CLSTN2: variants seen among roughly 807,000 people sequenced by gnomAD.
CLSTN2 encodes the protein calsyntenin-2.
A neutral mutation model predicts 101.2 loss-of-function variants in CLSTN2; 48 were observed. The ratio of observed to expected loss-of-function variants is 0.47; its 90% CI spans 0.38 to 0.60. The LOEUF (loss-of-function observed/expected upper bound fraction) is 0.60. Ranked by LOEUF, CLSTN2 falls within the 20% of genes least tolerant of loss-of-function variation. The pLI, the probability that CLSTN2 is intolerant of heterozygous loss-of-function variation, is 0.00. For missense variants in CLSTN2, 1,160 were observed against 1,238.2 expected (o/e 0.94, Z 0.95); for synonymous variants, 481 against 463.6 (o/e 1.04, Z -0.48).
intron 1 of CLSTN2, among the ~76,000 whole-genome samples, chr3:139,942,439 G>C (rs1050642129): frequency 6.6e-6 from 1 of 152,114 alleles, no homozygotes; most frequent in Non-Finnish European, 1.5e-5. Flanking sequence ...TCCTGATTCG[G>C]TTATTCATTT....
At chr3:140,011,597 A>G (rs939666051) in intron 1 of CLSTN2, among the ~76,000 whole-genome samples, 5 of 152,204 alleles carry the variant, frequency 3.3e-5, no homozygotes, top group African/African-American at 7.2e-5. Flanking sequence ...TTAGTAGTAC[A>G]TAGCATATAC....
At chr3:140,137,989 G>T (rs1263628306) in intron 1 of CLSTN2, among the ~76,000 whole-genome samples, 1 of 152,152 alleles carries the variant, frequency 6.6e-6, no homozygotes, top group Non-Finnish European at 1.5e-5. Flanking sequence ...AGAGTAACAT[G>T]CACAGAACCA....
chr3:140,402,297 G>A (rs60354750), intron 2 of CLSTN2, among the ~76,000 whole-genome samples: 13,974 of 152,206 alleles, frequency 0.092, 716 homozygotes, highest in Admixed American at 0.13. Context: ...TGGAGATGGT[G>A]TGGTGGGATA....
intron 2 of CLSTN2, among the ~76,000 whole-genome samples, chr3:140,240,899 C>T (rs2086461806): frequency 6.6e-6 from 1 of 152,046 alleles, no homozygotes. Flanking sequence ...CCTTTTTCTT[C>T]CTGGATGGGA....
At chr3:139,970,355 T>G (rs1259058133) in intron 1 of CLSTN2, among the ~76,000 whole-genome samples, 2 of 152,164 alleles carry the variant, frequency 1.3e-5, no homozygotes, top group Non-Finnish European at 2.9e-5. Context: ...CAATAGATGG[T>G]GGTCATTATA....
intron 5 of CLSTN2, among the ~76,000 whole-genome samples, chr3:140,434,371 G>T (rs2088666906): frequency 6.6e-6 from 1 of 152,162 alleles, no homozygotes; most frequent in Admixed American, 6.5e-5. Flanking sequence ...GCCTAACTGA[G>T]CTTCCACTCA....
chr3:140,398,788 G>T (rs2088210429), intron 2 of CLSTN2, among the ~76,000 whole-genome samples: 1 of 152,212 alleles, frequency 6.6e-6, no homozygotes, highest in Admixed American at 6.5e-5. Flanking sequence ...TTCAAAGGAA[G>T]GAGCAAAATG....
At chr3:140,225,346 C>G (rs769698374) in intron 2 of CLSTN2, among the ~76,000 whole-genome samples, 1 of 152,194 alleles carries the variant, frequency 6.6e-6, no homozygotes, top group Admixed American at 6.5e-5. Context: ...TTCAGTTGCA[C>G]TGTTTCCATC....
intron 1 of CLSTN2, among the ~76,000 whole-genome samples, chr3:139,962,591 A>G (rs905770720): frequency 6.6e-6 from 1 of 152,344 alleles, no homozygotes; most frequent in East Asian, 1.9e-4. Context: ...TTGTAATTAA[A>G]AAAAGTTCTT....
chr3:140,414,966 T>C (rs1165137515), intron 4 of CLSTN2, among the ~76,000 whole-genome samples: 1 of 152,052 alleles, frequency 6.6e-6, no homozygotes, highest in Non-Finnish European at 1.5e-5. Flanking sequence ...AAAATCAGTA[T>C]GTAGCTGTCA....
chr3:140,271,859 C>A (rs2107890260), intron 2 of CLSTN2, among the ~76,000 whole-genome samples: 1 of 152,330 alleles, frequency 6.6e-6, no homozygotes, highest in Admixed American at 6.5e-5. Context: ...ATAATGCAGA[C>A]ACCAGATGTG....
At chr3:140,257,582 G>A (rs1274750590) in intron 2 of CLSTN2, among the ~76,000 whole-genome samples, 1 of 151,738 alleles carries the variant, frequency 6.6e-6, no homozygotes, top group Non-Finnish European at 1.5e-5. Flanking sequence ...GTGTGTGTGT[G>A]TGTGTGTGTG....
chr3:140,076,314 G>A (rs182846962), intron 1 of CLSTN2, among the ~76,000 whole-genome samples: 1 of 152,124 alleles, frequency 6.6e-6, no homozygotes, highest in African/African-American at 2.4e-5. Context: ...TCTGTTGATG[G>A]ACTCTTAGGC....
intron 2 of CLSTN2, among the ~76,000 whole-genome samples, chr3:140,231,513 T>C (rs1378261886): frequency 2.6e-5 from 4 of 152,030 alleles, no homozygotes; most frequent in African/African-American, 9.7e-5. Context: ...ACAGTGACTG[T>C]TCCCTTAAAT....
chr3:139,968,240 C>G (rs558912531), intron 1 of CLSTN2, among the ~76,000 whole-genome samples: 2 of 152,094 alleles, frequency 1.3e-5, no homozygotes, highest in Non-Finnish European at 2.9e-5. Flanking sequence ...ACTTTGTTCC[C>G]TTGGAACAGT....
chr3:139,940,054 T>C (rs746876530), intron 1 of CLSTN2, among the ~76,000 whole-genome samples: 2 of 152,206 alleles, frequency 1.3e-5, no homozygotes, highest in African/African-American at 4.8e-5. Context: ...GACTTGCCTC[T>C]CTTTCCTGCA....
At chr3:140,491,770 C>T (rs574711491) in intron 8 of CLSTN2, among the ~76,000 whole-genome samples, 3 of 151,998 alleles carry the variant, frequency 2.0e-5, no homozygotes, top group South Asian at 2.1e-4. Context: ...TGCAGTGAGC[C>T]GAAATTGCAC....
chr3:140,060,596 T>A (rs1191716963), intron 1 of CLSTN2, among the ~76,000 whole-genome samples: 4 of 152,128 alleles, frequency 2.6e-5, no homozygotes, highest in Non-Finnish European at 5.9e-5. Context: ...AGGATGATTG[T>A]CATCAGAGCC....
intron 2 of CLSTN2, among the ~76,000 whole-genome samples, chr3:140,302,910 A>C (rs983729242): frequency 6.6e-6 from 1 of 152,176 alleles, no homozygotes. Context: ...GTGAGCTAAA[A>C]GTGTGTCAGC....
Sources: gnomAD v4.1 joint callset for allele counts (sites outside exome capture counted in the v4.1 genomes callset) on GRCh38, gnomAD v4.1.1 for gene constraint, MANE v1.5 for transcripts, NCBI Gene and HGNC (gene_info 2026-07-23, HGNC 2026-07-21) for gene names.